The following GLIS1 variants were observed in gnomAD, a reference collection of about 807,000 sequenced individuals.
GLIS1 encodes the protein GLIS family zinc finger 1, also known as zinc finger protein GLIS1.
GLIS1 carries 24 observed loss-of-function variants against 63.8 expected under a neutral mutation model. The ratio of observed to expected loss-of-function variants is 0.38; its 90% CI spans 0.27 to 0.53. GLIS1 has a LOEUF of 0.53. Ranked by LOEUF, GLIS1 falls within the 20% of genes least tolerant of loss-of-function variation. The probability of loss-of-function intolerance (pLI) is 0.85; values close to 1 mark genes in which losing one functional copy is unlikely to be tolerated. For missense variants in GLIS1, 1,036 were observed against 1,074.1 expected (o/e 0.96, Z 0.50); for synonymous variants, 450 against 482.5 (o/e 0.93, Z 0.88).
intron 2 of GLIS1, among the ~76,000 whole-genome samples, chr1:53,614,443 G>A (rs946568600): frequency 6.6e-6 from 1 of 152,088 alleles, no homozygotes; most frequent in African/African-American, 2.4e-5. Context: ...ACACAGGCCA[G>A]GTGTGGCTGG....
intron 4 of GLIS1, among the ~76,000 whole-genome samples, chr1:53,570,125 T>G (rs534074740): frequency 1.4e-3 from 220 of 152,168 alleles, no homozygotes; most frequent in Non-Finnish European, 2.5e-3. Flanking sequence ...CTTTTTTTAT[T>G]ATTTGAGTTG....
chr1:53,547,851 A>T (rs931356813), intron 4 of GLIS1, among the ~76,000 whole-genome samples: 1 of 152,142 alleles, frequency 6.6e-6, no homozygotes, highest in Admixed American at 6.5e-5. Flanking sequence ...GTCGATTTCC[A>T]TTTTATTGGA....
chr1:53,697,786 C>T (rs557765439), intron 2 of GLIS1, among the ~76,000 whole-genome samples: 2 of 152,294 alleles, frequency 1.3e-5, no homozygotes, highest in South Asian at 4.1e-4. Flanking sequence ...AGTGCTACTA[C>T]ACTTTTACTG....
At chr1:53,660,234 G>C (rs1054403768) in intron 2 of GLIS1, among the ~76,000 whole-genome samples, 7 of 152,168 alleles carry the variant, frequency 4.6e-5, no homozygotes, top group South Asian at 2.1e-4. Flanking sequence ...GCAGACCCTT[G>C]CAAGATGAGC....
At chr1:53,734,152 C>T in intron 2 of GLIS1, 4 of 982,888 alleles carry the variant, frequency 4.1e-6, no homozygotes, top group Non-Finnish European at 4.8e-6. Context: ...TCACATTTGT[C>T]GTGATCAACC....
At chr1:53,507,074 T>C (rs1486635325) in intron 10 of GLIS1, among the ~76,000 whole-genome samples, 1 of 151,972 alleles carries the variant, frequency 6.6e-6, no homozygotes, top group Non-Finnish European at 1.5e-5. Flanking sequence ...GGGCAGAATG[T>C]GGGGGAAAGA....
chr1:53,562,696 A>G (rs1282218936), intron 4 of GLIS1, among the ~76,000 whole-genome samples: 1 of 152,156 alleles, frequency 6.6e-6, no homozygotes, highest in African/African-American at 2.4e-5. Flanking sequence ...CCGTATCAAC[A>G]CTATTAGAAC....
intron 2 of GLIS1, among the ~76,000 whole-genome samples, chr1:53,612,038 G>A (rs1467564780): frequency 6.6e-6 from 1 of 151,832 alleles, no homozygotes; most frequent in Non-Finnish European, 1.5e-5. Flanking sequence ...TTGCTATATT[G>A]CCCAGGGGGT....
intron 2 of GLIS1, among the ~76,000 whole-genome samples, chr1:53,614,985 C>T (rs907325151): frequency 6.6e-6 from 1 of 151,956 alleles, no homozygotes; most frequent in Admixed American, 6.6e-5. Flanking sequence ...TTTTAAAAAT[C>T]TCTATATTAT....
chr1:53,605,139 C>T (rs1477589814), intron 2 of GLIS1, among the ~76,000 whole-genome samples: 1 of 152,018 alleles, frequency 6.6e-6, no homozygotes, highest in Non-Finnish European at 1.5e-5. Context: ...GAGGATTTTA[C>T]AGGGTGGAGC....
chr1:53,635,283 A>G (rs1021537689), intron 2 of GLIS1, among the ~76,000 whole-genome samples: 9 of 152,190 alleles, frequency 5.9e-5, no homozygotes, highest in African/African-American at 2.2e-4. Context: ...TGAAATGAAC[A>G]AAACATGTCC....
chr1:53,604,219 G>A (rs1197868269), intron 2 of GLIS1, among the ~76,000 whole-genome samples: 16 of 152,154 alleles, frequency 1.1e-4, no homozygotes, highest in Admixed American at 1.0e-3. Flanking sequence ...GAAACATGTT[G>A]TCCCCAGAAA....
chr1:53,622,762 G>A (rs2100210544), intron 2 of GLIS1, among the ~76,000 whole-genome samples: 1 of 152,292 alleles, frequency 6.6e-6, no homozygotes, highest in Middle Eastern at 3.4e-3. Flanking sequence ...GCCTCCAGAG[G>A]GAGCAAGGCC....
chr1:53,590,988 G>A (rs1645188252), intron 4 of GLIS1, among the ~76,000 whole-genome samples: 1 of 152,222 alleles, frequency 6.6e-6, no homozygotes, highest in Admixed American at 6.5e-5. Flanking sequence ...CAGTGGGATG[G>A]GATGGGGGAG....
At chr1:53,524,500 C>T (rs1239968369) in intron 6 of GLIS1, among the ~76,000 whole-genome samples, 9 of 152,224 alleles carry the variant, frequency 5.9e-5, no homozygotes, top group African/African-American at 1.4e-4. Flanking sequence ...CCACACAAGC[C>T]GCGGGAGGTG....
Position 53,707,309 on chromosome 1 carries a change from G to A in GLIS1, c.259+30497C>T, listed in dbSNP as rs1288465704. Among the ~76,000 whole-genome samples the A allele has an allele frequency of 2.6e-5, 4 of 152,172 alleles. No homozygotes were observed. The South Asian group carries it at 6.2e-4, about 24-fold the overall frequency. On this transcript the variant is annotated intron_variant, in intron 2 of 10. Transcript: ENST00000628545. ...GACTTGTCTGATCCTCGTCTAATAGGAAAGCAGTTAACAACAACATGTTCT... is the reference window on the plus strand; with the variant it reads ...GACTTGTCTGATCCTCGTCTAATAGAAAAGCAGTTAACAACAACATGTTCT...
rs200625179 is a variant in GLIS1 at position 53,589,143 on chromosome 1, TCACCCAGG to T, written c.1320+4957_1320+4964del. 1.3e-3 allele frequency among the ~76,000 whole-genome samples: 194 copies of T among 152,284 alleles called. 1 individual carries two copies. In the East Asian group the frequency reaches 0.036, roughly 28 times the overall value. On this transcript the variant is annotated intron_variant, in intron 4 of 10. Coordinates refer to ENST00000628545, the MANE Select transcript of GLIS1 (RefSeq NM_001367484.1). ...GTTTTTGAGACAGGGTCATGCTCTGTCACCCAGGCTGGAGTGCAGTGGTGTGATCATAG... is the reference window on the plus strand; with the variant it reads ...GTTTTTGAGACAGGGTCATGCTCTGTCTGGAGTGCAGTGGTGTGATCATAG...
At chr1:53,561,164 G>A (rs1569831105) in intron 4 of GLIS1, among the ~76,000 whole-genome samples, 1 of 152,232 alleles carries the variant, frequency 6.6e-6, no homozygotes, top group Non-Finnish European at 1.5e-5. Flanking sequence ...AGTCAGAGAT[G>A]AAGAAATTGA....
chr1:53,694,447 T>C (rs575103019), intron 2 of GLIS1, among the ~76,000 whole-genome samples: 1 of 152,314 alleles, frequency 6.6e-6, no homozygotes, highest in African/African-American at 2.4e-5. Context: ...CTCTTCTCAA[T>C]GGGCTGCACC....
Sources: gnomAD v4.1 joint callset for allele counts (sites outside exome capture counted in the v4.1 genomes callset) on GRCh38, gnomAD v4.1.1 for gene constraint, MANE v1.5 for transcripts, NCBI Gene and HGNC (gene_info 2026-07-23, HGNC 2026-07-21) for gene names.